The following MIOS variants were observed in gnomAD, a reference collection of about 807,000 sequenced individuals.
MIOS encodes meiosis regulator for oocyte development, also known as GATOR2 complex protein MIOS.
MIOS carries 52 observed loss-of-function variants against 96.9 expected under a neutral mutation model. The ratio of observed to expected loss-of-function variants is 0.54; its 90% CI spans 0.43 to 0.68. The LOEUF is 0.68. Among genes scored for constraint, MIOS ranks in the 30% least tolerant of loss-of-function variants. The pLI, the probability that MIOS is intolerant of heterozygous loss-of-function variation, is 0.00. For synonymous variants in MIOS, 397 were observed against 359.5 expected (o/e 1.10, Z -1.18); for missense variants, 1,005 against 1,052.8 (o/e 0.95, Z 0.63).
At chr7:7,579,202 A>G (rs1448311201) in intron 5 of MIOS, among the ~76,000 whole-genome samples, 1 of 152,234 alleles carries the variant, frequency 6.6e-6, no homozygotes, top group Non-Finnish European at 1.5e-5. Flanking sequence ...TGTAAAACTC[A>G]TAAGTTAAAA....
At position 7,592,196 on chromosome 7, in the gene MIOS, C is replaced by T. The variant is rs1784069517; in HGVS notation, c.2043+2633C>T. Among the ~76,000 whole-genome samples, 2 of 152,192 alleles carry T rather than the reference C, an allele frequency of 1.3e-5. 1 individual carries two copies. The highest frequency in any genetic ancestry group is 4.1e-4 in the South Asian group (2 of 4,824). ...GTAGGACATGGTTTCACTATGTTGG[C>T]CATGCTGATCTTAAATGCCTGTCCT... On this transcript the variant is annotated intron_variant, in intron 9 of 12. Coordinates refer to ENST00000340080, the MANE Select transcript of MIOS (RefSeq NM_019005.4).
At chr7:7,569,615 C>T (rs1468222166) in intron 3 of MIOS, among the ~76,000 whole-genome samples, 1 of 152,178 alleles carries the variant, frequency 6.6e-6, no homozygotes, top group African/African-American at 2.4e-5. Context: ...GTACTGGGGA[C>T]TAGAGGTACA....
At chr7:7,609,090 GTTT>G (rs746425081), downstream of MIOS, among the ~76,000 whole-genome samples, 100 of 152,106 alleles carry the variant, frequency 6.6e-4, 1 homozygote, top group Non-Finnish European at 1.2e-3. Flanking sequence ...TATTAAAAGT[GTTT>G]TTATTATTTT....
chr7:7,595,196 T>TATTAGC (rs1784169280), intron 10 of MIOS, 64 bp downstream of exon 10: 9 of 1,522,758 alleles, frequency 5.9e-6, no homozygotes, highest in Non-Finnish European at 8.0e-6. Context: ...AATAAGTTAC[T>TATTAGC]ATTAGCTCAT....
At chr7:7,598,516 GT>G (rs1282234296) in intron 11 of MIOS, among the ~76,000 whole-genome samples, 4 of 150,116 alleles carry the variant, frequency 2.7e-5, no homozygotes, top group Non-Finnish European at 5.9e-5. Flanking sequence ...ACTGATCACT[GT>G]TTTATGTTAA....
chr7:7,569,892 G>GA (rs1783291981), intron 3 of MIOS, among the ~76,000 whole-genome samples: 1 of 152,186 alleles, frequency 6.6e-6, no homozygotes, highest in African/African-American at 2.4e-5. Flanking sequence ...TATACTCTAG[G>GA]AAGTGGAAAG....
chr7:7,574,470 C>T (rs1482287706), intron 5 of MIOS, among the ~76,000 whole-genome samples: 2 of 151,802 alleles, frequency 1.3e-5, no homozygotes, highest in South Asian at 2.1e-4. Context: ...TTTTGAAAAC[C>T]CACTTTGAGA....
Position 7,573,526 on chromosome 7 carries a change from A to G in MIOS, c.1051A>G (p.Thr351Ala). The G allele has an allele frequency of 1.2e-6, 2 of 1,614,136 alleles. No homozygotes were observed. The change falls in exon 4 of 13, where the codon ACT becomes GCT. Residue 351 changes from threonine (T) to alanine (A), a missense_variant. By Grantham distance (58) the Thr-to-Ala change is moderately conservative (BLOSUM62 0). Transcript: ENST00000340080. The surrounding 1 kb of genome is among the most constrained non-coding windows in gnomAD (Gnocchi z 5.0). ...TCCCAACCGAACAATGTCAGACTTCACTGTTTTTGAAAGGATATCTCTTGC... is the reference window on the plus strand; with the variant it reads ...TCCCAACCGAACAATGTCAGACTTCGCTGTTTTTGAAAGGATATCTCTTGC... ...VTPNRTMSDF[T>A]VFERISLAWS... is the part of the protein sequence containing the mutation.
chr7:7,585,535 G>C lies in MIOS; in HGVS notation c.1649-101G>C, dbSNP rs890767788. ...TTATTCTCTGAGCTCATTTTTCTGA[G>C]GGTAAAAGTCACCCTCTGATTTCTA... is the stretch of plus-strand genomic sequence containing the variant. On this transcript the variant is annotated intron_variant, in intron 6 of 12. Coordinates refer to ENST00000340080, the MANE Select transcript of MIOS (RefSeq NM_019005.4). 26 of 1,075,498 alleles carry C rather than the reference G, an allele frequency of 2.4e-5. No individual in the cohort carries two copies. The East Asian group carries it at 7.1e-4, about 29-fold the overall frequency. The allele number at this position is 1,075,498 out of a possible 1,614,324, so 66.6% of individuals were successfully genotyped here. A position where few individuals can be genotyped will look rare whatever the true frequency, so the allele number is the denominator to read the frequency against.
At chr7:7,584,108 T>A (rs1783811932) in intron 6 of MIOS, among the ~76,000 whole-genome samples, 1 of 152,148 alleles carries the variant, frequency 6.6e-6, no homozygotes, top group South Asian at 2.1e-4. Context: ...AATCCTTACT[T>A]GCTGGTCCAT....
chr7:7,585,329 C>T (rs926580755), intron 6 of MIOS, among the ~76,000 whole-genome samples: 1 of 151,480 alleles, frequency 6.6e-6, no homozygotes, highest in Admixed American at 6.6e-5. Flanking sequence ...AGTTTGCACA[C>T]ATGGGCATGA....
intron 11 of MIOS, among the ~76,000 whole-genome samples, chr7:7,601,356 T>A (rs1244374966): frequency 1.4e-5 from 2 of 144,532 alleles, no homozygotes; most frequent in Non-Finnish European, 1.5e-5. Context: ...GAGAGAAAAA[T>A]CAAATAGACG....
At position 7,601,636 on chromosome 7, in the gene MIOS, C is replaced by T. The variant is rs555541687; in HGVS notation, c.2402-4306C>T. Among the ~76,000 whole-genome samples the T allele has an allele frequency of 1.6e-3, 240 of 152,294 alleles. 1 individual carries two copies. Among genetic ancestry groups the T allele is most frequent in the Middle Eastern group, 3.4e-3 (1 of 294 alleles). On this transcript the variant is annotated intron_variant, in intron 11 of 12. Transcript: ENST00000340080. ...AGATGGATTCACAGCCGAACTCTACCAGAGGTACAAGGAGGAGCTGGTACC... is the reference window on the plus strand; with the variant it reads ...AGATGGATTCACAGCCGAACTCTACTAGAGGTACAAGGAGGAGCTGGTACC...
chr7:7,600,720 A>G (rs1363497359), intron 11 of MIOS, among the ~76,000 whole-genome samples: 2 of 152,190 alleles, frequency 1.3e-5, no homozygotes, highest in Non-Finnish European at 2.9e-5. Flanking sequence ...AGCGGACCTA[A>G]TAGACATCTA....
chr7:7,584,079 T>C (rs1375027797), intron 6 of MIOS, among the ~76,000 whole-genome samples: 5 of 152,140 alleles, frequency 3.3e-5, no homozygotes, highest in African/African-American at 1.2e-4. Context: ...AAAATAATTT[T>C]TGAATATTCA....
intron 9 of MIOS, among the ~76,000 whole-genome samples, chr7:7,592,241 G>A (rs1464353923): frequency 3.9e-5 from 6 of 152,214 alleles, no homozygotes; most frequent in African/African-American, 1.4e-4. Context: ...TGCCCGCCTC[G>A]GCCTCCCAAA....
chr7:7,583,161 G>A lies in MIOS; in HGVS notation c.1437G>A (p.Lys479=), dbSNP rs1164643164. The A allele has an allele frequency of 6.2e-7, 1 of 1,614,118 alleles. No homozygotes were observed. Among genetic ancestry groups the A allele is most frequent in the Non-Finnish European group, 8.5e-7 (1 of 1,179,962 alleles). ...SSRHNWSGLD[K]QSDIQNLNEE... is the part of the protein sequence containing the mutation. ...GACATAATTGGAGTGGGTTGGATAAGCAAAGTGATATTCAAAATTTAAATG... is the reference window on the plus strand; with the variant it reads ...GACATAATTGGAGTGGGTTGGATAAACAAAGTGATATTCAAAATTTAAATG... Residue 479 remains lysine, a synonymous_variant, in exon 6 of 13, where the codon AAG becomes AAA. Transcript: ENST00000340080.
intron 6 of MIOS, among the ~76,000 whole-genome samples, chr7:7,584,629 A>T (rs1219084657): frequency 1.3e-5 from 2 of 152,176 alleles, no homozygotes; most frequent in Non-Finnish European, 2.9e-5. Flanking sequence ...TGTTTATAGA[A>T]ATGAGGAATA....
chr7:7,597,482 A>ATG (rs1784241256), intron 11 of MIOS, among the ~76,000 whole-genome samples: 1 of 45,640 alleles, frequency 2.2e-5, no homozygotes, highest in South Asian at 6.1e-4. Flanking sequence ...ATATATATAT[A>ATG]TATATATATA....
Sources: gnomAD v4.1 joint callset for allele counts (sites outside exome capture counted in the v4.1 genomes callset) on GRCh38, gnomAD v4.1.1 for gene constraint, Gnocchi (gnomAD v3.1) non-coding constraint, MANE v1.5 for transcripts, NCBI Gene and HGNC (gene_info 2026-07-23, HGNC 2026-07-21) for gene names.